Variants in USH1G observed in about 807,000 individuals in gnomAD.
USH1G encodes the protein pre-mRNA splicing regulator USH1G.
Under a neutral mutation model 31.9 loss-of-function variants are expected in USH1G, and 27 were observed. The ratio of observed to expected loss-of-function variants is 0.85; its 90% CI spans 0.62 to 1.17. The LOEUF (loss-of-function observed/expected upper bound fraction) is 1.17. Among genes scored for constraint, USH1G ranks in the 50% most tolerant of loss-of-function variants. USH1G has a pLI of 0.00. For missense variants in USH1G, 674 were observed against 638.9 expected, an observed-to-expected ratio of 1.05 and a Z score of -0.59; for synonymous variants, 266 against 283.2, an observed-to-expected ratio of 0.94 and a Z score of 0.61.
In USH1G at chr17:74,922,928, C is replaced by T. The variant is rs917200314; in HGVS notation, c.146G>A (p.Arg49His). The T allele has an allele frequency of 6.5e-6, 10 of 1,547,172 alleles. No individual in the cohort carries two copies. The highest frequency in any genetic ancestry group is 5.9e-5 in the Admixed American group (3 of 51,032). The change falls in exon 1 of 3, where the codon CGT (arginine) becomes CAT (histidine). Residue 49 changes from arginine (R) to histidine (H), a missense_variant. Physicochemically the swap from Arg to His is conservative, Grantham distance 29. Coordinates refer to ENST00000614341, the MANE Select transcript of USH1G (RefSeq NM_173477.5). Reference sequence around the variant, plus strand: ...TACTCACCCGCGGCTCACAATGAGACGCAGCGACTCGAGGTTGCCATGGTA... The same window carrying T: ...TACTCACCCGCGGCTCACAATGAGATGCAGCGACTCGAGGTTGCCATGGTA... ...AAYHGNLESLRLIVSRGGDPD... is the reference protein window; with the variant it reads ...AAYHGNLESLHLIVSRGGDPD...
rs978166207 is a variant in USH1G, at chr17:74,917,782, G to A, written c.*291C>T. On this transcript the variant is annotated 3_prime_UTR_variant, in exon 3 of 3. Transcript: ENST00000614341. Reference sequence around the variant, plus strand: ...GTTCCGATGCCCCTGCCCTCCCTCTGGGGCAGGCCTCCCCCAAGTCTACAT... The same window carrying A: ...GTTCCGATGCCCCTGCCCTCCCTCTAGGGCAGGCCTCCCCCAAGTCTACAT... The A allele has an allele frequency of 4.0e-6, 2 of 496,006 alleles. No individual in the cohort carries two copies. Among genetic ancestry groups the A allele is most frequent in the Non-Finnish European group, 7.3e-6 (2 of 272,334 alleles). The allele number at this position is 496,006 out of a possible 1,614,324, so 30.7% of individuals were successfully genotyped here.
In USH1G at chr17:74,920,203, C is replaced by T; in HGVS notation, c.633G>A (p.Arg211=). Residue 211 remains arginine (R), a synonymous_variant, in exon 2 of 3, where the codon AGG becomes AGA. Coordinates refer to ENST00000614341, the MANE Select transcript of USH1G (RefSeq NM_173477.5). This position sits in a 1 kb window ranked among gnomAD's most constrained non-coding sequence, Gnocchi z 5.2. ...GCTTCTTCTGCATCTTGGTCTTGCC[C>T]CTGGCCGTGCCGTGCAGCGTGGCCT... ...YSQATLHGTA[R]GKTKMQKKLE... is the part of the protein sequence containing the mutation. 6.2e-7 allele frequency: 1 copy of T among 1,602,452 alleles called. No homozygotes were observed. The highest frequency in any genetic ancestry group is 1.1e-5 in the South Asian group (1 of 91,084).
chr17:74,919,369 C>A lies in USH1G; in HGVS notation c.1382+85G>T. The A allele has an allele frequency of 6.8e-7, 1 of 1,475,278 alleles. No homozygotes were observed. Among genetic ancestry groups the A allele is most frequent in the South Asian group, 1.4e-5 (1 of 73,482 alleles). The allele number at this position is 1,475,278 out of a possible 1,614,324, so 91.4% of individuals were successfully genotyped here. On this transcript the variant is annotated intron_variant, in intron 2 of 2. Transcript: ENST00000614341. The surrounding 1 kb of genome is among the most constrained non-coding windows in gnomAD (Gnocchi z 4.5). The stretch of plus-strand genomic sequence containing the variant: ...GAAATACAGTATCCCCCACCCCCTA[C>A]TCCTGAATAGGCAGATCTGTACCCC...
Position 74,916,275 on chromosome 17 carries a change from C to G in USH1G, c.*1798G>C, listed in dbSNP as rs1177430525. On this transcript the variant is annotated 3_prime_UTR_variant, in exon 3 of 3. Coordinates refer to ENST00000614341, the MANE Select transcript of USH1G (RefSeq NM_173477.5). ...GGGCTCTGGGAGAAACAAGTCGGCA[C>G]TTGGGGGTGGCCCCAGGCTCAGGCC... 1.3e-5 allele frequency: 2 copies of G among 152,440 alleles called. No homozygotes were observed. The highest frequency in any genetic ancestry group is 4.1e-4 in the South Asian group (2 of 4,822). The allele number at this position is 152,440 out of a possible 1,614,324, so 9.4% of individuals were successfully genotyped here. A position where few individuals can be genotyped will look rare whatever the true frequency, so the allele number is the denominator to read the frequency against.
At position 74,917,139 on chromosome 17, in the gene USH1G, A is replaced by G. The variant is rs1454533117; in HGVS notation, c.*934T>C. On this transcript the variant is annotated 3_prime_UTR_variant, in exon 3 of 3. Coordinates refer to ENST00000614341, the MANE Select transcript of USH1G (RefSeq NM_173477.5). ...GGACAATCTGCAGTTTAGAGGATCC[A>G]CTTTCTCCAGTGTCCACATCGCAGG... 6.6e-6 allele frequency: 1 copy of G among 152,378 alleles called. No homozygotes were observed. The highest frequency in any genetic ancestry group is 1.5e-5 in the Non-Finnish European group (1 of 68,148). 9.4% of individuals were successfully genotyped at this position (152,378 alleles called of 1,614,324 possible). A position where few individuals can be genotyped will look rare whatever the true frequency, so the allele number is the denominator to read the frequency against.
In USH1G at chr17:74,919,654, G is replaced by A. The variant is rs2038909427; in HGVS notation, c.1182C>T (p.Thr394=). Residue 394 remains threonine, a synonymous_variant, in exon 2 of 3, where the codon ACC becomes ACT. Coordinates refer to ENST00000614341, the MANE Select transcript of USH1G (RefSeq NM_173477.5). This position sits in a 1 kb window ranked among gnomAD's most constrained non-coding sequence, Gnocchi z 4.5. ...CCTCCATGTGCAGAGAGGCCAGGAA[G>A]GTCTCCAGCGGGCTAGTCTCGGGCT... ...DLEPETSPLE[T]FLASLHMEDF... 3 of 1,612,856 alleles carry A rather than the reference G, an allele frequency of 1.9e-6. No individual in the cohort carries two copies. Among genetic ancestry groups the A allele is most frequent in the South Asian group, 2.2e-5 (2 of 91,090 alleles).
Position 74,920,167 on chromosome 17 carries a change from G to C in USH1G, c.669C>G (p.Arg223=). ...KTKMQKKLER[R]KQGGEGTFKV... ...TGAAGGTGCCTTCGCCGCCCTGCTT[G>C]CGCCGCTCCAGCTTCTTCTGCATCT... Residue 223 remains arginine, a synonymous_variant, in exon 2 of 3, where the codon CGC becomes CGG. Coordinates refer to ENST00000614341, the MANE Select transcript of USH1G (RefSeq NM_173477.5). This position sits in a 1 kb window ranked among gnomAD's most constrained non-coding sequence, Gnocchi z 5.2. 6.2e-7 allele frequency: 1 copy of C among 1,602,056 alleles called. No homozygotes were observed. Among genetic ancestry groups the C allele is most frequent in the South Asian group, 1.1e-5 (1 of 91,082 alleles).
In USH1G at chr17:74,918,067, C is replaced by T; in HGVS notation, c.*6G>A. The T allele has an allele frequency of 6.2e-7, 1 of 1,614,080 alleles. No individual in the cohort carries two copies. The highest frequency in any genetic ancestry group is 8.5e-7 in the Non-Finnish European group (1 of 1,179,992). On this transcript the variant is annotated 3_prime_UTR_variant, in exon 3 of 3. Transcript: ENST00000614341. This position sits in a 1 kb window ranked among gnomAD's most constrained non-coding sequence, Gnocchi z 4.1. ...TTCATTTTGGTCTGGGGAGAGGAGC[C>T]CCCGGTTATCTGTGGAGGAAGAGAC...
In USH1G at chr17:74,919,471, G is replaced by T. The variant is rs2038903655; in HGVS notation, c.1365C>A (p.Ala455=). The T allele has an allele frequency of 1.9e-6, 3 of 1,607,692 alleles. No individual in the cohort carries two copies. ...RRRQAMERPP[A]LEDTEL is the part of the protein sequence containing the mutation. ...ACACTCACAGCTCTGTGTCCTCCAG[G>T]GCCGGCGGGCGCTCCATCGCCTGCC... Residue 455 remains alanine (A), a synonymous_variant, in exon 2 of 3, where the codon GCC becomes GCA. Coordinates refer to ENST00000614341, the MANE Select transcript of USH1G (RefSeq NM_173477.5). The surrounding 1 kb of genome is among the most constrained non-coding windows in gnomAD (Gnocchi z 4.5).
In USH1G at chr17:74,919,887, A is replaced by G. The variant is rs1486701635; in HGVS notation, c.949T>C (p.Phe317Leu). The G allele has an allele frequency of 6.2e-7, 1 of 1,613,192 alleles. No individual in the cohort carries two copies. Among genetic ancestry groups the G allele is most frequent in the South Asian group, 1.1e-5 (1 of 91,088 alleles). The change falls in exon 2 of 3, where the codon TTC becomes CTC. Residue 317 changes from phenylalanine (F) to leucine (L), a missense_variant. Coordinates refer to ENST00000614341, the MANE Select transcript of USH1G (RefSeq NM_173477.5). The surrounding 1 kb of genome is among the most constrained non-coding windows in gnomAD (Gnocchi z 4.5). ...CCACTGCTCAAGTAATTTCTGCGGA[A>G]CACCATGGTGCCCAGGCCGGGGCGG... ...FTRPGLGTMV[F>L]RRNYLSSGLH... is the part of the protein sequence containing the mutation.
In USH1G at chr17:74,920,276, C is replaced by T; in HGVS notation, c.560G>A (p.Ser187Asn). Residue 187 changes from serine to asparagine, a missense_variant, in exon 2 of 3, where the codon AGC becomes AAC. Transcript: ENST00000614341. The surrounding 1 kb of genome is among the most constrained non-coding windows in gnomAD (Gnocchi z 5.2). ...CAGCGCCAGATGCTGCAGCCGGCGG[C>T]TCAGGGTGCTGGACGTGAGGCTGGA... is the stretch of plus-strand genomic sequence containing the variant. The part of the protein sequence containing the change: ...SFSSLTSSTL[S>N]RRLQHLALGS... The T allele has an allele frequency of 6.2e-7, 1 of 1,603,870 alleles. No individual in the cohort carries two copies. The highest frequency in any genetic ancestry group is 8.5e-7 in the Non-Finnish European group (1 of 1,179,134).
In USH1G at chr17:74,920,449, G is replaced by A; in HGVS notation, c.387C>T (p.Pro129=). Residue 129 remains proline, a synonymous_variant, in exon 2 of 3, where the codon CCC becomes CCT. Transcript: ENST00000614341. The surrounding 1 kb of genome is among the most constrained non-coding windows in gnomAD (Gnocchi z 5.2). ...SIAAKQSSLN[P]KLVGKLKDKA... ...TGTCCTTCAGCTTACCCACCAGCTT[G>A]GGGTTGAGGCTGCTCTGCTTGGCCG... is the stretch of plus-strand genomic sequence containing the variant. 1 of 1,613,746 alleles carries A rather than the reference G, an allele frequency of 6.2e-7. No homozygotes were observed. Among genetic ancestry groups the A allele is most frequent in the Non-Finnish European group, 8.5e-7 (1 of 1,180,032 alleles).
chr17:74,922,985 T>C lies in USH1G; in HGVS notation c.89A>G (p.Glu30Gly). The C allele has an allele frequency of 6.4e-7, 1 of 1,562,316 alleles. No individual in the cohort carries two copies. Among genetic ancestry groups the C allele is most frequent in the East Asian group, 2.4e-5 (1 of 42,056 alleles). ...ATRKELNAPD[E>G]DGMTPTLWAA... Reference sequence around the variant, plus strand: ...CCAGAGAGTGGGGGTCATGCCATCCTCGTCGGGGGCATTCAGCTCCTTTCG... The same window carrying C: ...CCAGAGAGTGGGGGTCATGCCATCCCCGTCGGGGGCATTCAGCTCCTTTCG... Residue 30 changes from glutamate to glycine, a missense_variant, in exon 1 of 3, where the codon GAG (glutamate) becomes GGG (glycine). Physicochemically the swap from Glu to Gly is moderately conservative, Grantham distance 98. Transcript: ENST00000614341.
intron 1 of USH1G, among the ~76,000 whole-genome samples, chr17:74,922,243 C>G (rs2038951634): frequency 6.6e-6 from 1 of 151,792 alleles, no homozygotes; most frequent in Non-Finnish European, 1.5e-5. Context: ...ATGCCCACCC[C>G]CCCACCCAGG....
At position 74,921,683 on chromosome 17, in the gene USH1G, A is replaced by C. The variant is rs953375406; in HGVS notation, c.165-1012T>G. Among the ~76,000 whole-genome samples, 6 of 152,062 alleles carry C rather than the reference A, an allele frequency of 3.9e-5. No individual in the cohort carries two copies. The East Asian group carries it at 1.2e-3, about 29-fold the overall frequency. The stretch of plus-strand genomic sequence containing the variant: ...AAGGACCTGCCAGCACCCAACCCAC[A>C]ACCCATCAAACACCAATCCTGGTCT... On this transcript the variant is annotated intron_variant, in intron 1 of 2. Transcript: ENST00000614341. The surrounding 1 kb of genome is among the most constrained non-coding windows in gnomAD (Gnocchi z 4.6).
Position 74,920,099 on chromosome 17 carries a change from C to G in USH1G, c.737G>C (p.Gly246Ala). ...DGRKSARSLS[G>A]LQLGSDVMFV... ...CATCACGTCGCTGCCCAGCTGCAGGCCCGAGAGCGAGCGGGCGCTCTTGCG... is the reference window on the plus strand; with the variant it reads ...CATCACGTCGCTGCCCAGCTGCAGGGCCGAGAGCGAGCGGGCGCTCTTGCG... The change falls in exon 2 of 3, where the codon GGC becomes GCC. Residue 246 changes from glycine (G) to alanine (A), a missense_variant. Physicochemically the swap from Gly to Ala is moderately conservative, Grantham distance 60. Transcript: ENST00000614341. This position sits in a 1 kb window ranked among gnomAD's most constrained non-coding sequence, Gnocchi z 5.2. 1 of 1,604,052 alleles carries G rather than the reference C, an allele frequency of 6.2e-7. No individual in the cohort carries two copies. The highest frequency in any genetic ancestry group is 1.3e-5 in the African/African-American group (1 of 75,036).
Position 74,920,079 on chromosome 17 carries a change from C to A in USH1G, c.757G>T (p.Val253Leu), listed in dbSNP as rs746860881. Reference protein sequence around the residue: ...SLSGLQLGSDVMFVRQGTYAN... With the variant: ...SLSGLQLGSDLMFVRQGTYAN... The stretch of plus-strand genomic sequence containing the variant: ...TAGGTGCCCTGGCGCACGAACATCA[C>A]GTCGCTGCCCAGCTGCAGGCCCGAG... The change falls in exon 2 of 3, where the codon GTG (valine) becomes TTG (leucine). Residue 253 changes from valine (V) to leucine (L), a missense_variant. Coordinates refer to ENST00000614341, the MANE Select transcript of USH1G (RefSeq NM_173477.5). The surrounding 1 kb of genome is among the most constrained non-coding windows in gnomAD (Gnocchi z 5.2). 6.2e-7 allele frequency: 1 copy of A among 1,606,214 alleles called. No individual in the cohort carries two copies.
chr17:74,920,297 C>A lies in USH1G; in HGVS notation c.539G>T (p.Ser180Ile). 2 of 1,605,894 alleles carry A rather than the reference C, an allele frequency of 1.2e-6. No homozygotes were observed. Among genetic ancestry groups the A allele is most frequent in the Non-Finnish European group, 8.5e-7 (1 of 1,178,744 alleles). The change falls in exon 2 of 3, where the codon AGC becomes ATC. Residue 180 changes from serine (S) to isoleucine (I), a missense_variant. By Grantham distance (142) the Ser-to-Ile change is moderately radical. Coordinates refer to ENST00000614341, the MANE Select transcript of USH1G (RefSeq NM_173477.5). The surrounding 1 kb of genome is among the most constrained non-coding windows in gnomAD (Gnocchi z 5.2). ...AERSDTLSFS[S>I]LTSSTLSRRL... ...GCGGCTCAGGGTGCTGGACGTGAGGCTGGAGAAGCTGAGGGTGTCGGAACG... is the reference window on the plus strand; with the variant it reads ...GCGGCTCAGGGTGCTGGACGTGAGGATGGAGAAGCTGAGGGTGTCGGAACG...
chr17:74,918,021 A>G lies in USH1G; in HGVS notation c.*52T>C. On this transcript the variant is annotated 3_prime_UTR_variant, in exon 3 of 3. Coordinates refer to ENST00000614341, the MANE Select transcript of USH1G (RefSeq NM_173477.5). This position sits in a 1 kb window ranked among gnomAD's most constrained non-coding sequence, Gnocchi z 4.1. ...ACTGTGAGGACCTCGAGACCCCACC[A>G]TAGGTTGTGGCAACTTGCAATTCAT... is the stretch of plus-strand genomic sequence containing the variant. 1.2e-6 allele frequency: 2 copies of G among 1,613,568 alleles called. No individual in the cohort carries two copies. Among genetic ancestry groups the G allele is most frequent in the Non-Finnish European group, 1.7e-6 (2 of 1,179,616 alleles).
Sources: gnomAD v4.1 joint callset for allele counts (sites outside exome capture counted in the v4.1 genomes callset) on GRCh38, gnomAD v4.1.1 for gene constraint, Gnocchi (gnomAD v3.1) non-coding constraint, MANE v1.5 for transcripts, NCBI Gene and HGNC (gene_info 2026-07-23, HGNC 2026-07-21) for gene names.